KCNQ5: variants seen among roughly 807,000 people sequenced by gnomAD.
KCNQ5 encodes the protein potassium voltage-gated channel subfamily Q member 5, also known as potassium voltage-gated channel subfamily KQT member 5.
KCNQ5 carries 30 observed loss-of-function variants against 98.2 expected under a neutral mutation model. The observed-to-expected ratio is 0.31, with a 90% CI of 0.23 to 0.41. KCNQ5 has a LOEUF of 0.41. Among genes scored for constraint, KCNQ5 ranks in the 10% least tolerant of loss-of-function variants. The pLI is 1.00. For synonymous variants in KCNQ5, 458 were observed against 449.4 expected, an observed-to-expected ratio of 1.02 and a Z score of -0.24; for missense variants, 835 against 1,182.5, an observed-to-expected ratio of 0.71 and a Z score of 4.31.
chr6:73,075,950 TGG>T (rs1773522210), intron 3 of KCNQ5, among the ~76,000 whole-genome samples: 1 of 152,016 alleles, frequency 6.6e-6, no homozygotes, highest in Admixed American at 6.6e-5. Context: ...GAGGCTGAGG[TGG>T]GACACAGAGG....
rs934872371 is a variant in KCNQ5, at chr6:73,077,686, G to C, written c.793-76G>C. 11 of 1,409,184 alleles carry C rather than the reference G, an allele frequency of 7.8e-6. No homozygotes were observed. In the South Asian group the frequency reaches 1.3e-4, roughly 17 times the overall value. The allele number at this position is 1,409,184 out of a possible 1,614,324, so 87.3% of individuals were successfully genotyped here. A position where few individuals can be genotyped will look rare whatever the true frequency, so the allele number is the denominator to read the frequency against. On this transcript the variant is annotated intron_variant, in intron 4 of 13. Transcript: ENST00000370398. ...CATCCAAGAAGTAGTAAAGTGAATA[G>C]AATCCTCATAGAATTCTTTTTTCCT...
chr6:73,107,055 T>C (rs1358296275), intron 6 of KCNQ5, among the ~76,000 whole-genome samples: 1 of 152,164 alleles, frequency 6.6e-6, no homozygotes, highest in Non-Finnish European at 1.5e-5. Flanking sequence ...CACTCAATAA[T>C]CAGATTCCCT....
intron 2 of KCNQ5, among the ~76,000 whole-genome samples, chr6:73,008,897 C>T (rs1386410682): frequency 6.6e-6 from 1 of 152,170 alleles, no homozygotes; most frequent in Non-Finnish European, 1.5e-5. Context: ...ATGGATACCA[C>T]ACAAAGTATT....
chr6:72,744,741 G>A (rs1771295565), intron 1 of KCNQ5, among the ~76,000 whole-genome samples: 2 of 152,084 alleles, frequency 1.3e-5, no homozygotes, highest in South Asian at 4.2e-4. Flanking sequence ...AACCCGGGAG[G>A]CAGAGGTTGC....
chr6:73,006,608 G>A (rs551277641), intron 2 of KCNQ5, among the ~76,000 whole-genome samples: 59 of 152,174 alleles, frequency 3.9e-4, no homozygotes, highest in African/African-American at 1.3e-3. Context: ...AACCGGGATC[G>A]CACCACTGCA....
chr6:72,894,826 A>G (rs1581971859), intron 1 of KCNQ5, among the ~76,000 whole-genome samples: 1 of 152,140 alleles, frequency 6.6e-6, no homozygotes, highest in Non-Finnish European at 1.5e-5. Context: ...TGAGTCCTGT[A>G]TGATAACTCC....
chr6:73,158,259 T>TTTTTTTGTTG, intron 10 of KCNQ5: 1 of 60,430 alleles, frequency 1.7e-5, no homozygotes, highest in Non-Finnish European at 3.1e-5. Flanking sequence ...GGAAGATTTT[T>TTTTTTTGTTG]TTTTTTTTTT....
At chr6:72,743,226 A>G (rs1277563402) in intron 1 of KCNQ5, among the ~76,000 whole-genome samples, 3 of 152,096 alleles carry the variant, frequency 2.0e-5, no homozygotes, top group Admixed American at 6.5e-5. Flanking sequence ...AGTTTTAACT[A>G]TATAAATAAC....
chr6:72,639,595 A>T (rs1472328036), intron 1 of KCNQ5, among the ~76,000 whole-genome samples: 1 of 152,202 alleles, frequency 6.6e-6, no homozygotes, highest in Non-Finnish European at 1.5e-5. Flanking sequence ...GGTGATATTT[A>T]GAGAGCCTCG....
At chr6:72,927,068 A>G (rs1193668686) in intron 1 of KCNQ5, among the ~76,000 whole-genome samples, 1 of 152,192 alleles carries the variant, frequency 6.6e-6, no homozygotes, top group East Asian at 1.9e-4. Flanking sequence ...GGCTGCATCT[A>G]AAAAATAAAA....
At chr6:72,960,707 T>A (rs1436616458) in intron 1 of KCNQ5, among the ~76,000 whole-genome samples, 1 of 152,212 alleles carries the variant, frequency 6.6e-6, no homozygotes, top group Non-Finnish European at 1.5e-5. Flanking sequence ...ATTACAGGTG[T>A]GAGCCACTGT....
At chr6:73,118,835 A>T (rs183430568) in intron 7 of KCNQ5, among the ~76,000 whole-genome samples, 1 of 152,270 alleles carries the variant, frequency 6.6e-6, no homozygotes, top group Admixed American at 6.5e-5. Flanking sequence ...AGCCTGGCCA[A>T]CATAGTGAAA....
intron 1 of KCNQ5, among the ~76,000 whole-genome samples, chr6:72,794,763 G>A (rs947902186): frequency 6.6e-6 from 1 of 152,138 alleles, no homozygotes; most frequent in Non-Finnish European, 1.5e-5. Context: ...AACAAAGCAA[G>A]AGACCAAGTT....
intron 1 of KCNQ5, among the ~76,000 whole-genome samples, chr6:72,985,719 T>C (rs1337457361): frequency 1.3e-5 from 2 of 152,164 alleles, no homozygotes; most frequent in East Asian, 3.9e-4. Context: ...GGAAGGTAAA[T>C]TAGTTCAACT....
intron 1 of KCNQ5, among the ~76,000 whole-genome samples, chr6:72,873,806 A>T (rs1778305123): frequency 6.6e-6 from 1 of 152,080 alleles, no homozygotes. Context: ...ATTCTAAGAT[A>T]ATAATTTAAT....
chr6:72,630,466 A>T (rs2098920196), intron 1 of KCNQ5: 1 of 152,322 alleles, frequency 6.6e-6, no homozygotes, highest in Non-Finnish European at 1.5e-5. Flanking sequence ...GCCATTATGT[A>T]TGCCAGGTAA....
intron 3 of KCNQ5, among the ~76,000 whole-genome samples, chr6:73,072,399 G>C (rs1223169303): frequency 6.6e-6 from 1 of 152,174 alleles, no homozygotes; most frequent in Non-Finnish European, 1.5e-5. Flanking sequence ...GCATTATGCA[G>C]TGTAATTGTA....
chr6:73,157,598 G>A (rs1308822852), intron 10 of KCNQ5: 4 of 770,218 alleles, frequency 5.2e-6, no homozygotes, highest in Non-Finnish European at 7.3e-6. Flanking sequence ...GAGGGCGGCG[G>A]CAACGGTAGT....
chr6:73,120,258 T>TAATAA (rs780114455), intron 7 of KCNQ5, among the ~76,000 whole-genome samples: 126 of 151,784 alleles, frequency 8.3e-4, no homozygotes, highest in South Asian at 8.3e-4. Context: ...AATAAATAAA[T>TAATAA]AATAAAATAA....
Sources: gnomAD v4.1 joint callset for allele counts (sites outside exome capture counted in the v4.1 genomes callset) on GRCh38, gnomAD v4.1.1 for gene constraint, MANE v1.5 for transcripts, NCBI Gene and HGNC (gene_info 2026-07-23, HGNC 2026-07-21) for gene names.